Variants in RANBP9 observed in about 807,000 individuals in gnomAD.
The protein encoded by RANBP9 is ran-binding protein 9.
A neutral mutation model predicts 84.3 loss-of-function variants in RANBP9; 15 were observed. The observed-to-expected ratio is 0.18, with a 90% CI of 0.12 to 0.27. The LOEUF (loss-of-function observed/expected upper bound fraction) is 0.27. RANBP9 is among the 10% of genes least tolerant of loss of function. The probability of loss-of-function intolerance (pLI) is 1.00; values close to 1 mark genes in which losing one functional copy is unlikely to be tolerated. For missense variants in RANBP9, 809 were observed against 912.8 expected (o/e 0.89, Z 1.46); for synonymous variants, 392 against 349.6 (o/e 1.12, Z -1.35).
intron 2 of RANBP9, among the ~76,000 whole-genome samples, chr6:13,694,471 A>G (rs542489749): frequency 6.6e-6 from 1 of 152,354 alleles, no homozygotes; most frequent in Non-Finnish European, 1.5e-5. Flanking sequence ...ACAGAAAACC[A>G]GTCAACAGTT....
chr6:13,682,076 G>A (rs2113330827), intron 2 of RANBP9, among the ~76,000 whole-genome samples: 1 of 152,096 alleles, frequency 6.6e-6, no homozygotes, highest in Non-Finnish European at 1.5e-5. Flanking sequence ...TGGCCAGGCT[G>A]GTCTCGAACT....
At position 13,622,138 on chromosome 6, in the gene RANBP9, T is replaced by A; in HGVS notation, c.*224A>T. The A allele has an allele frequency of 5.9e-6, 2 of 340,366 alleles. No homozygotes were observed. The highest frequency in any genetic ancestry group is 1.0e-5 in the Non-Finnish European group (2 of 198,418). The allele number at this position is 340,366 out of a possible 1,614,324, so 21.1% of individuals were successfully genotyped here. A position where few individuals can be genotyped will look rare whatever the true frequency, so the allele number is the denominator to read the frequency against. On this transcript the variant is annotated 3_prime_UTR_variant, in exon 14 of 14. Coordinates refer to ENST00000011619, the MANE Select transcript of RANBP9 (RefSeq NM_005493.3). ...TTTGAACGTCTGAAATTCAGTAATA[T>A]TTAACTCTTAGACAACTAAGAGGTT...
intron 2 of RANBP9, among the ~76,000 whole-genome samples, chr6:13,669,757 T>A (rs1166694640): frequency 6.6e-6 from 1 of 152,076 alleles, no homozygotes; most frequent in South Asian, 2.1e-4. Flanking sequence ...CCTGGCTAAC[T>A]TTTTTTCGCA....
intron 2 of RANBP9, among the ~76,000 whole-genome samples, chr6:13,673,314 G>C (rs2113312509): frequency 6.6e-6 from 1 of 152,274 alleles, no homozygotes; most frequent in East Asian, 1.9e-4. Context: ...TCCCTCAGAA[G>C]TGAAAGAAAA....
chr6:13,653,610 T>A (rs2127769262), intron 4 of RANBP9, among the ~76,000 whole-genome samples: 1 of 152,240 alleles, frequency 6.6e-6, no homozygotes, highest in East Asian at 1.9e-4. Context: ...ATTAAATTGT[T>A]TTTAAGGTCT....
At chr6:13,639,174 G>C (rs908227723) in intron 9 of RANBP9, among the ~76,000 whole-genome samples, 2 of 152,050 alleles carry the variant, frequency 1.3e-5, no homozygotes, top group Non-Finnish European at 2.9e-5. Context: ...CAGCTACAAA[G>C]GAAATATACA....
chr6:13,655,942 A>T (rs1450121194), intron 4 of RANBP9, among the ~76,000 whole-genome samples: 1 of 152,208 alleles, frequency 6.6e-6, no homozygotes, highest in African/African-American at 2.4e-5. Flanking sequence ...GGTCCTTAAC[A>T]TTATTGTACT....
At chr6:13,659,173 A>AT (rs1221044742) in intron 2 of RANBP9, among the ~76,000 whole-genome samples, 1 of 151,994 alleles carries the variant, frequency 6.6e-6, no homozygotes, top group Non-Finnish European at 1.5e-5. Context: ...GCACAGAGGG[A>AT]TTGCAGAAGG....
intron 1 of RANBP9, among the ~76,000 whole-genome samples, chr6:13,707,516 T>C (rs1758157429): frequency 6.6e-6 from 1 of 152,178 alleles, no homozygotes; most frequent in Non-Finnish European, 1.5e-5. Context: ...CAGGATTTTA[T>C]CTACTTGAGA....
intron 2 of RANBP9, among the ~76,000 whole-genome samples, chr6:13,679,197 A>G (rs561751484): frequency 1.4e-4 from 22 of 152,338 alleles, no homozygotes; most frequent in Middle Eastern, 3.4e-3. Context: ...TTGCCTTCGG[A>G]AAGTTCACAA....
At chr6:13,643,674 CTCAGTGGTAACCATTT>C (rs1442699326) in intron 6 of RANBP9, among the ~76,000 whole-genome samples, 1 of 152,142 alleles carries the variant, frequency 6.6e-6, no homozygotes, top group African/African-American at 2.4e-5. Context: ...TGCCATGATA[CTCAGTGGTAACCATTT>C]TCAGAGCATT....
At chr6:13,680,070 G>A (rs972999799) in intron 2 of RANBP9, among the ~76,000 whole-genome samples, 1 of 152,006 alleles carries the variant, frequency 6.6e-6, no homozygotes, top group South Asian at 2.1e-4. Flanking sequence ...TTAAAATAAC[G>A]AAGTTAGTCA....
At position 13,675,639 on chromosome 6, in the gene RANBP9, AAAAAT is replaced by A. The variant is rs537987714; in HGVS notation, c.684-16812_684-16808del. 3.7e-3 allele frequency among the ~76,000 whole-genome samples: 568 copies of A among 152,030 alleles called. 6 individuals carry two copies. Among genetic ancestry groups the A allele is most frequent in the African/African-American group, 0.013 (536 of 41,542 alleles). On this transcript the variant is annotated intron_variant, in intron 2 of 13. Transcript: ENST00000011619. ...AAATAGAGATAGCAATGAAATTTTA[AAAAAT>A]AAAATAAAATAAAATAAAAATCAAC... is the stretch of plus-strand genomic sequence containing the variant.
intron 2 of RANBP9, among the ~76,000 whole-genome samples, chr6:13,677,156 T>C (rs1269069413): frequency 1.3e-5 from 2 of 152,166 alleles, no homozygotes; most frequent in African/African-American, 4.8e-5. Context: ...TAAGCAATCA[T>C]AGCAAGGTGG....
intron 11 of RANBP9, 61 bp from the exon 12 acceptor site, chr6:13,632,582 A>T (rs1450856624): frequency 3.9e-5 from 56 of 1,448,022 alleles, no homozygotes; most frequent in Non-Finnish European, 5.1e-5. Context: ...TGAGGACACG[A>T]ACATACATTT....
chr6:13,636,203 G>C (rs1433449284), intron 10 of RANBP9, among the ~76,000 whole-genome samples: 1 of 152,116 alleles, frequency 6.6e-6, no homozygotes, highest in Non-Finnish European at 1.5e-5. Context: ...GTCAAATCCT[G>C]AAACGCAGCC....
chr6:13,622,452 T>A lies in RANBP9; in HGVS notation c.2100A>T (p.Ala700=). 6.2e-7 allele frequency: 1 copy of A among 1,600,314 alleles called. No individual in the cohort carries two copies. The highest frequency in any genetic ancestry group is 8.5e-7 in the Non-Finnish European group (1 of 1,173,976). The part of the protein sequence containing the change: ...NLPKQPPLAL[A]MGQATQCLGL... ...CTAGACATTGTGTGGCCTGTCCCAT[T>A]GCTAGGGCAAGTGGAGGTTGCTTTG... The change falls in exon 14 of 14, where the codon GCA becomes GCT. Residue 700 remains alanine, a synonymous_variant. Transcript: ENST00000011619.
intron 2 of RANBP9, among the ~76,000 whole-genome samples, chr6:13,665,449 T>A (rs1765623918): frequency 6.6e-6 from 1 of 152,152 alleles, no homozygotes; most frequent in African/African-American, 2.4e-5. Flanking sequence ...TACAACTGCA[T>A]ACCTGCCAGA....
chr6:13,679,575 T>C (rs951248552), intron 2 of RANBP9, among the ~76,000 whole-genome samples: 2 of 152,208 alleles, frequency 1.3e-5, no homozygotes, highest in African/African-American at 4.8e-5. Flanking sequence ...GACACAAAAT[T>C]GTTTATGTTT....
Sources: gnomAD v4.1 joint callset for allele counts (sites outside exome capture counted in the v4.1 genomes callset) on GRCh38, gnomAD v4.1.1 for gene constraint, MANE v1.5 for transcripts, NCBI Gene and HGNC (gene_info 2026-07-23, HGNC 2026-07-21) for gene names.